DNA2: variants seen among roughly 807,000 people sequenced by gnomAD.
DNA2 encodes DNA replication helicase/nuclease 2.
Under a neutral mutation model 119.1 loss-of-function variants are expected in DNA2, and 101 were observed. The observed-to-expected ratio is 0.85, with a 90% CI of 0.72 to 1.00. DNA2 has a LOEUF of 1.00. Among genes scored for constraint, DNA2 ranks in the 50% least tolerant of loss-of-function variants. DNA2 has a pLI of 0.00. For missense variants in DNA2, 1,121 were observed against 1,255.5 expected (o/e 0.89, Z 1.62); for synonymous variants, 366 against 424.4 (o/e 0.86, Z 1.69).
In DNA2 at chr10:68,471,889, T is replaced by C. The variant is rs774102363; in HGVS notation, c.-25A>G. The C allele has an allele frequency of 1.2e-6, 2 of 1,613,874 alleles. No homozygotes were observed. The highest frequency in any genetic ancestry group is 1.7e-6 in the Non-Finnish European group (2 of 1,179,798). ...TCCTGGACGCGGGGATCGCAAACTG[T>C]AGACAGAAAAGACAGCGGAACCGGG... is the stretch of plus-strand genomic sequence containing the variant. On this transcript the variant is annotated 5_prime_UTR_variant, in exon 1 of 21. Transcript: ENST00000358410.
At chr10:68,470,194 C>T in intron 1 of DNA2, 31 bp from the exon 2 acceptor site, 1 of 1,543,570 alleles carries the variant, frequency 6.5e-7, no homozygotes, top group Non-Finnish European at 8.7e-7. Context: ...ACTATTTTAG[C>T]ACAACCATGA....
At position 68,463,864 on chromosome 10, in the gene DNA2, G is replaced by A. The variant is rs183570467; in HGVS notation, c.587+1803C>T. Reference sequence around the variant, plus strand: ...CCTCCAGCTTACCAAGACTGACAGAGCAGAGTTGTGTCAGCCCTCTGAGAG... The same window carrying A: ...CCTCCAGCTTACCAAGACTGACAGAACAGAGTTGTGTCAGCCCTCTGAGAG... On this transcript the variant is annotated intron_variant, in intron 4 of 20. Coordinates refer to ENST00000358410, the MANE Select transcript of DNA2 (RefSeq NM_001080449.3). Among the ~76,000 whole-genome samples, 433 of 152,242 alleles carry A rather than the reference G, an allele frequency of 2.8e-3. 1 individual carries two copies. The highest frequency in any genetic ancestry group is 7.3e-3 in the Admixed American group (112 of 15,276).
rs781571709 is a variant in DNA2 at position 68,437,202 on chromosome 10, C to T, written c.1455G>A (p.Met485Ile). 6.2e-7 allele frequency: 1 copy of T among 1,610,368 alleles called. No individual in the cohort carries two copies. Among genetic ancestry groups the T allele is most frequent in the South Asian group, 1.1e-5 (1 of 90,858 alleles). Residue 485 changes from methionine (M) to isoleucine (I), a missense_variant, in exon 10 of 21, where the codon ATG becomes ATA. Coordinates refer to ENST00000358410, the MANE Select transcript of DNA2 (RefSeq NM_001080449.3). ...CATCACAAACTATCTTTACATGTTC[C>T]ATTCTAATCAGGTTTCCAATGCAAC... ...SGSCIGNLIRMEHVKIVCDGQ... is the reference protein window; with the variant it reads ...SGSCIGNLIRIEHVKIVCDGQ...
chr10:68,428,963 G>A (rs953035969), intron 14 of DNA2, among the ~76,000 whole-genome samples: 2 of 152,044 alleles, frequency 1.3e-5, no homozygotes, highest in African/African-American at 4.8e-5. Flanking sequence ...GGGGACACAG[G>A]CTCTCTCTAG....
chr10:68,441,785 A>G (rs1262561898), intron 9 of DNA2, among the ~76,000 whole-genome samples: 2 of 152,116 alleles, frequency 1.3e-5, no homozygotes, highest in African/African-American at 4.8e-5. Flanking sequence ...AAAAAGAAAA[A>G]AGCGAGTATT....
Position 68,450,008 on chromosome 10 carries a change from T to G in DNA2, c.939+20A>C. The G allele has an allele frequency of 6.7e-7, 1 of 1,486,222 alleles. No homozygotes were observed. The highest frequency in any genetic ancestry group is 1.4e-5 in the African/African-American group (1 of 70,802). 92.1% of individuals were successfully genotyped at this position (1,486,222 alleles called of 1,614,324 possible). ...AAAAAAAAAGTATAAAACAGACAAT[T>G]TTCTTATTAACATTTATACCTGACT... is the stretch of plus-strand genomic sequence containing the variant. On this transcript the variant is annotated intron_variant, in intron 6 of 20. Coordinates refer to ENST00000358410, the MANE Select transcript of DNA2 (RefSeq NM_001080449.3).
intron 14 of DNA2, chr10:68,424,547 C>T (rs1312350632): frequency 3.1e-5 from 26 of 826,902 alleles, no homozygotes; most frequent in African/African-American, 5.0e-5. Flanking sequence ...CCGCCGCTAG[C>T]CGGAGCATCA....
chr10:68,424,804 C>G, intron 14 of DNA2: 1 of 1,116,340 alleles, frequency 9.0e-7, no homozygotes, highest in Non-Finnish European at 1.4e-6. Flanking sequence ...GTCATCTACA[C>G]TGAGCAGGTG....
At position 68,419,168 on chromosome 10, in the gene DNA2, G is replaced by T; in HGVS notation, c.2833C>A (p.Gln945Lys). Residue 945 changes from glutamine (Q) to lysine (K), a missense_variant, in exon 19 of 21, where the codon CAG (glutamine) becomes AAG (lysine). By Grantham distance (53) the Gln-to-Lys change is moderately conservative. Transcript: ENST00000358410. ...SDIGIIAPYRQQLKIINDLLA... is the reference protein window; with the variant it reads ...SDIGIIAPYRKQLKIINDLLA... ...AAATCATTGATGATCTTTAATTGCT[G>T]CCTGTACGGTGCAATAATACCAATA... 1 of 1,612,062 alleles carries T rather than the reference G, an allele frequency of 6.2e-7. No individual in the cohort carries two copies. The highest frequency in any genetic ancestry group is 8.5e-7 in the Non-Finnish European group (1 of 1,179,116).
At chr10:68,459,301 A>C (rs1363374375) in intron 4 of DNA2, 66 bp from the exon 5 acceptor site, 3 of 1,412,642 alleles carry the variant, frequency 2.1e-6, no homozygotes, top group Non-Finnish European at 2.8e-6. Flanking sequence ...ATGATAGCGA[A>C]TATGAAAGTA....
At chr10:68,433,977 C>T (rs2051854723) in intron 10 of DNA2, among the ~76,000 whole-genome samples, 1 of 152,128 alleles carries the variant, frequency 6.6e-6, no homozygotes, top group Non-Finnish European at 1.5e-5. Context: ...ATTAGCTCTT[C>T]GAAAAGGCTT....
intron 13 of DNA2, among the ~76,000 whole-genome samples, chr10:68,431,438 C>T (rs1235339900): frequency 6.6e-6 from 1 of 152,060 alleles, no homozygotes; most frequent in Non-Finnish European, 1.5e-5. Flanking sequence ...GCGCATGCCA[C>T]TACGCCCGGC....
chr10:68,421,864 G>C (rs1441859305), intron 17 of DNA2, among the ~76,000 whole-genome samples: 4 of 152,054 alleles, frequency 2.6e-5, no homozygotes, highest in Admixed American at 2.0e-4. Flanking sequence ...ACCCAGGCTG[G>C]AGTGCAGCAG....
At chr10:68,465,257 T>A (rs2052313840) in intron 4 of DNA2, among the ~76,000 whole-genome samples, 1 of 151,670 alleles carries the variant, frequency 6.6e-6, no homozygotes, top group Non-Finnish European at 1.5e-5. Flanking sequence ...TGACTTCTGA[T>A]CCGCCCACCT....
rs548980511 is a variant in DNA2, at chr10:68,457,102, C to G, written c.719+2002G>C. The stretch of plus-strand genomic sequence containing the variant: ...TGAGCCAAGATCGCGCCACTGCACT[C>G]CAGCCTGGGCAACAGAGCGAGACTC... On this transcript the variant is annotated intron_variant, in intron 5 of 20. Transcript: ENST00000358410. Among the ~76,000 whole-genome samples the G allele has an allele frequency of 3.3e-5, 5 of 151,500 alleles. No individual in the cohort carries two copies. The South Asian group carries it at 6.3e-4, about 19-fold the overall frequency.
chr10:68,469,863 T>A, intron 2 of DNA2, 118 bp downstream of exon 2: 1 of 909,452 alleles, frequency 1.1e-6, no homozygotes. Context: ...TAGGCTAAGA[T>A]CAAACCTACT....
chr10:68,426,972 A>C (rs1257494322), intron 14 of DNA2, among the ~76,000 whole-genome samples: 2 of 152,224 alleles, frequency 1.3e-5, no homozygotes, highest in African/African-American at 4.8e-5. Flanking sequence ...CTAGTATTAG[A>C]ATATACATTT....
chr10:68,422,028 T>C (rs1391245286), intron 17 of DNA2, among the ~76,000 whole-genome samples, 197 bp downstream of exon 17: 1 of 152,142 alleles, frequency 6.6e-6, no homozygotes, highest in Non-Finnish European at 1.5e-5. Context: ...TTGGCCAAGC[T>C]GGTCTTGAAT....
intron 4 of DNA2, among the ~76,000 whole-genome samples, chr10:68,465,088 G>A (rs540435680): frequency 1.5e-4 from 22 of 145,948 alleles, no homozygotes; most frequent in Admixed American, 1.3e-3. Context: ...GTGTGATCTC[G>A]GCTCACTGCA....
Sources: gnomAD v4.1 joint callset for allele counts (sites outside exome capture counted in the v4.1 genomes callset) on GRCh38, gnomAD v4.1.1 for gene constraint, MANE v1.5 for transcripts, NCBI Gene and HGNC (gene_info 2026-07-23, HGNC 2026-07-21) for gene names.